The following CACNG2 variants were observed in gnomAD, a reference collection of about 807,000 sequenced individuals.
The protein encoded by CACNG2 is voltage-dependent calcium channel gamma-2 subunit.
Under a neutral mutation model 25.9 loss-of-function variants are expected in CACNG2, and 3 were observed. That is an observed-to-expected ratio of 0.12 (90% CI 0.05 to 0.30). CACNG2 has a LOEUF of 0.30. Ranked by LOEUF, CACNG2 falls within the 10% of genes least tolerant of loss-of-function variation. The pLI is 1.00. For synonymous variants in CACNG2, 167 were observed against 173.3 expected, an observed-to-expected ratio of 0.96 and a Z score of 0.29; for missense variants, 341 against 432.5, an observed-to-expected ratio of 0.79 and a Z score of 1.88.
intron 1 of CACNG2, among the ~76,000 whole-genome samples, chr22:36,637,389 C>T (rs1374557387): frequency 6.6e-6 from 1 of 152,140 alleles, no homozygotes; most frequent in Non-Finnish European, 1.5e-5. Flanking sequence ...CAGGCTGTTG[C>T]AAGCCTTCCT....
chr22:36,609,146 C>G (rs1935886314), intron 1 of CACNG2, among the ~76,000 whole-genome samples: 1 of 151,818 alleles, frequency 6.6e-6, no homozygotes, highest in Non-Finnish European at 1.5e-5. Context: ...GGGCAGGAAT[C>G]AGCTCCTTAG....
At chr22:36,686,782 T>C (rs1159339820) in intron 1 of CACNG2, among the ~76,000 whole-genome samples, 1 of 152,202 alleles carries the variant, frequency 6.6e-6, no homozygotes, top group Non-Finnish European at 1.5e-5. Context: ...CCCTTCCTTT[T>C]TGGGCCTCAT....
At chr22:36,574,499 G>A (rs1183817350) in intron 2 of CACNG2, among the ~76,000 whole-genome samples, 2 of 152,176 alleles carry the variant, frequency 1.3e-5, no homozygotes, top group Non-Finnish European at 2.9e-5. Context: ...TAGGGGAGGA[G>A]CCTGGGCGAG....
At chr22:36,669,703 T>TTCTGTCTCTG (rs1451749167) in intron 1 of CACNG2, among the ~76,000 whole-genome samples, 5 of 151,884 alleles carry the variant, frequency 3.3e-5, no homozygotes, top group African/African-American at 1.2e-4. Context: ...TAAAATTTCA[T>TTCTGTCTCTG]TCTCTCTCTG....
At chr22:36,609,585 CG>C (rs1935898626) in intron 1 of CACNG2, among the ~76,000 whole-genome samples, 1 of 106,804 alleles carries the variant, frequency 9.4e-6, no homozygotes, top group South Asian at 3.5e-4. Flanking sequence ...AGAGCGTGAT[CG>C]GGCAGGAATC....
At chr22:36,599,520 C>T (rs528082785) in intron 1 of CACNG2, among the ~76,000 whole-genome samples, 1 of 151,920 alleles carries the variant, frequency 6.6e-6, no homozygotes, top group African/African-American at 2.4e-5. Context: ...GGCAACATGG[C>T]GAAATCCTGT....
chr22:36,635,339 G>T lies in CACNG2; in HGVS notation c.212-47791C>A, dbSNP rs139613148. Among the ~76,000 whole-genome samples the T allele has an allele frequency of 5.9e-3, 888 of 151,262 alleles. 17 individuals carry two copies. Among genetic ancestry groups the T allele is most frequent in the African/African-American group, 0.021 (855 of 41,290 alleles). Reference sequence around the variant, plus strand: ...CAAAAAAGAATTTCTATTTTATTCTGGGGAGAATGAACATATATATTTATT... The same window carrying T: ...CAAAAAAGAATTTCTATTTTATTCTTGGGAGAATGAACATATATATTTATT... On this transcript the variant is annotated intron_variant, in intron 1 of 3. Transcript: ENST00000300105.
intron 1 of CACNG2, among the ~76,000 whole-genome samples, chr22:36,593,649 G>A (rs1935630145): frequency 6.6e-6 from 1 of 152,066 alleles, no homozygotes; most frequent in Admixed American, 6.5e-5. Context: ...AGGAGGGCGG[G>A]GGAGTTAGAG....
chr22:36,617,918 C>T (rs756771778), intron 1 of CACNG2, among the ~76,000 whole-genome samples: 2 of 152,106 alleles, frequency 1.3e-5, no homozygotes, highest in African/African-American at 2.4e-5. Flanking sequence ...AAGTCCTACA[C>T]GTTTTAGCTG....
chr22:36,569,372 C>G (rs1407527598), intron 2 of CACNG2, among the ~76,000 whole-genome samples: 2 of 152,154 alleles, frequency 1.3e-5, no homozygotes, highest in South Asian at 2.1e-4. Flanking sequence ...ACCCTGTAGT[C>G]TCCCTATGTG....
intron 2 of CACNG2, among the ~76,000 whole-genome samples, chr22:36,577,292 A>G (rs916934475): frequency 1.3e-5 from 2 of 152,174 alleles, no homozygotes; most frequent in Non-Finnish European, 2.9e-5. Flanking sequence ...GCTATTTATT[A>G]AAGTGTGGGT....
At chr22:36,641,531 G>T (rs1936442656) in intron 1 of CACNG2, among the ~76,000 whole-genome samples, 2 of 152,150 alleles carry the variant, frequency 1.3e-5, no homozygotes, top group Admixed American at 1.3e-4. Context: ...ATTCACACCG[G>T]ATTCCTGTAC....
At chr22:36,698,970 G>A (rs1473688471) in intron 1 of CACNG2, among the ~76,000 whole-genome samples, 3 of 152,180 alleles carry the variant, frequency 2.0e-5, no homozygotes, top group Non-Finnish European at 4.4e-5. Context: ...TGACAACAGA[G>A]GCTAATATCC....
intron 1 of CACNG2, among the ~76,000 whole-genome samples, chr22:36,692,463 T>C (rs1181395688): frequency 6.6e-6 from 1 of 152,162 alleles, no homozygotes; most frequent in African/African-American, 2.4e-5. Flanking sequence ...GGCAGTGACT[T>C]ATCAGCTTTT....
chr22:36,651,774 G>A (rs928008408), intron 1 of CACNG2, among the ~76,000 whole-genome samples: 2 of 152,112 alleles, frequency 1.3e-5, no homozygotes, highest in Non-Finnish European at 2.9e-5. Flanking sequence ...TTGAACAAAT[G>A]AGTCCTCCAA....
chr22:36,679,445 C>G (rs1425111632), intron 1 of CACNG2, among the ~76,000 whole-genome samples: 1 of 151,990 alleles, frequency 6.6e-6, no homozygotes, highest in Non-Finnish European at 1.5e-5. Context: ...TGGCTGCTAC[C>G]TAATTAAAAA....
At chr22:36,571,771 G>A (rs1935229478) in intron 2 of CACNG2, among the ~76,000 whole-genome samples, 2 of 151,752 alleles carry the variant, frequency 1.3e-5, no homozygotes, top group African/African-American at 4.9e-5. Context: ...CAGCTACTTG[G>A]GGGGCTGAGG....
At chr22:36,617,334 C>T (rs1444817555) in intron 1 of CACNG2, among the ~76,000 whole-genome samples, 1 of 152,074 alleles carries the variant, frequency 6.6e-6, no homozygotes, top group Non-Finnish European at 1.5e-5. Flanking sequence ...AGTAGGTGTT[C>T]TATGTATGTT....
intron 1 of CACNG2, among the ~76,000 whole-genome samples, chr22:36,630,948 G>A (rs131830): frequency 0.79 from 120,120 of 151,980 alleles, 47,555 homozygotes; most frequent in African/African-American, 0.84. Flanking sequence ...CTTCTGCCTC[G>A]GCCTCCCAAG....
Sources: gnomAD v4.1 joint callset for allele counts (sites outside exome capture counted in the v4.1 genomes callset) on GRCh38, gnomAD v4.1.1 for gene constraint, MANE v1.5 for transcripts, NCBI Gene and HGNC (gene_info 2026-07-23, HGNC 2026-07-21) for gene names.